Variants in LTBP1 observed in about 807,000 individuals in gnomAD.
LTBP1 encodes the protein latent transforming growth factor beta binding protein 1.
Under a neutral mutation model 207.6 loss-of-function variants are expected in LTBP1, and 129 were observed. The observed-to-expected ratio is 0.62, with a 90% CI of 0.54 to 0.72. LTBP1 has a LOEUF of 0.72. Among genes scored for constraint, LTBP1 ranks in the 30% least tolerant of loss-of-function variants. The pLI, the probability that LTBP1 is intolerant of heterozygous loss-of-function variation, is 0.00. For synonymous variants in LTBP1, 963 were observed against 833.7 expected (o/e 1.16, Z -2.67); for missense variants, 2,281 against 2,217.2 (o/e 1.03, Z -0.58).
intron 19 of LTBP1, among the ~76,000 whole-genome samples, chr2:33,282,543 A>T (rs1243016688): frequency 6.6e-6 from 1 of 152,162 alleles, no homozygotes. Flanking sequence ...CATTGAACCA[A>T]TGGGTGGGTT....
At chr2:33,270,260 G>T (rs1259280704) in intron 15 of LTBP1, among the ~76,000 whole-genome samples, 1 of 151,866 alleles carries the variant, frequency 6.6e-6, no homozygotes, top group Non-Finnish European at 1.5e-5. Context: ...ATAGAAAGCA[G>T]ACAGGGGTGT....
intron 3 of LTBP1, among the ~76,000 whole-genome samples, chr2:33,026,766 A>G (rs1352335682): frequency 6.6e-6 from 1 of 152,234 alleles, no homozygotes; most frequent in African/African-American, 2.4e-5. Context: ...CGTGTTATAC[A>G]TATTTATTTA....
intron 2 of LTBP1, among the ~76,000 whole-genome samples, chr2:32,955,587 T>G (rs571880180): frequency 3.3e-4 from 50 of 151,880 alleles, no homozygotes; most frequent in African/African-American, 1.0e-3. Context: ...AGAGTGCCTT[T>G]TAAAAAAGAT....
chr2:32,971,002 TTGTG>T (rs56246215), intron 2 of LTBP1, among the ~76,000 whole-genome samples: 33,290 of 142,378 alleles, frequency 0.23, 4,849 homozygotes, highest in East Asian at 0.79. Flanking sequence ...TCCTAGGTAT[TTGTG>T]TGTGTGTGTG....
chr2:32,987,877 A>G (rs559784421), intron 2 of LTBP1, among the ~76,000 whole-genome samples: 1 of 152,304 alleles, frequency 6.6e-6, no homozygotes, highest in African/African-American at 2.4e-5. Flanking sequence ...ACCTTATGGC[A>G]CAAATACTTT....
At chr2:33,391,858 T>C (rs1460795288) in intron 32 of LTBP1, among the ~76,000 whole-genome samples, 1 of 152,188 alleles carries the variant, frequency 6.6e-6, no homozygotes, top group East Asian at 1.9e-4. Context: ...CACATCAATC[T>C]CTTATTTAGC....
intron 3 of LTBP1, among the ~76,000 whole-genome samples, chr2:33,053,559 G>A (rs549688226): frequency 1.3e-4 from 20 of 152,096 alleles, no homozygotes; most frequent in East Asian, 3.9e-4. Flanking sequence ...AGTATTTGCC[G>A]TCTGGGTTTC....
At chr2:33,353,744 C>G (rs17645101) in intron 26 of LTBP1, among the ~76,000 whole-genome samples, 7,433 of 152,270 alleles carry the variant, frequency 0.049, 189 homozygotes, top group Middle Eastern at 0.092. Flanking sequence ...AAGAACATCT[C>G]CCCACTGTCA....
chr2:33,135,752 A>T (rs1393435206), intron 5 of LTBP1, among the ~76,000 whole-genome samples: 2 of 152,252 alleles, frequency 1.3e-5, no homozygotes, highest in African/African-American at 4.8e-5. Flanking sequence ...TCATGTTGCC[A>T]TGTTGTCATG....
At position 33,082,432 on chromosome 2, in the gene LTBP1, C is replaced by CT. The variant is rs56058653; in HGVS notation, c.864-28116dup. On this transcript the variant is annotated intron_variant, in intron 3 of 33. Coordinates refer to ENST00000404816, the MANE Select transcript of LTBP1 (RefSeq NM_206943.4). ...TTAACCGTGGCTAAAGTATGACTCA[C>CT]TTTTTTTTTTTTTTTTTTTTTTTTT... Among the ~76,000 whole-genome samples, 162 of 29,342 alleles carry CT rather than the reference C, an allele frequency of 5.5e-3. 23 individuals carry two copies. Among genetic ancestry groups the CT allele is most frequent in the African/African-American group, 0.016 (151 of 9,158 alleles). 19.2% of individuals were successfully genotyped at this position (29,342 alleles called of 152,430 possible).
intron 20 of LTBP1, among the ~76,000 whole-genome samples, chr2:33,295,320 A>C (rs2093853623): frequency 6.6e-6 from 1 of 152,142 alleles, no homozygotes; most frequent in African/African-American, 2.4e-5. Context: ...TGAAGTCAGG[A>C]GTTCGAGACC....
intron 3 of LTBP1, among the ~76,000 whole-genome samples, chr2:33,053,942 C>T (rs1247290502): frequency 3.3e-5 from 5 of 152,198 alleles, no homozygotes; most frequent in African/African-American, 1.2e-4. Flanking sequence ...GGGCCAGTGC[C>T]TGACCAAATA....
At chr2:33,185,693 A>G (rs901034842) in intron 5 of LTBP1, among the ~76,000 whole-genome samples, 1 of 152,224 alleles carries the variant, frequency 6.6e-6, no homozygotes, top group Non-Finnish European at 1.5e-5. Context: ...AAATCCATCC[A>G]TTGGGTTTAG....
chr2:33,098,369 C>T (rs2079512283), intron 3 of LTBP1, among the ~76,000 whole-genome samples: 1 of 152,276 alleles, frequency 6.6e-6, no homozygotes, highest in South Asian at 2.1e-4. Flanking sequence ...CCTAATTTTT[C>T]ATGTGCATTG....
At chr2:33,129,590 C>T (rs1572765965) in intron 4 of LTBP1, among the ~76,000 whole-genome samples, 1 of 152,232 alleles carries the variant, frequency 6.6e-6, no homozygotes, top group East Asian at 1.9e-4. Context: ...TGAGAAATTG[C>T]TATTTCCTAT....
intron 7 of LTBP1, among the ~76,000 whole-genome samples, chr2:33,196,631 G>T (rs1278768336): frequency 6.6e-6 from 1 of 152,156 alleles, no homozygotes; most frequent in Admixed American, 6.5e-5. Context: ...GAAATGAACG[G>T]TTCTGAATTT....
At chr2:33,158,008 T>C (rs112040035) in intron 5 of LTBP1, among the ~76,000 whole-genome samples, 2,528 of 152,152 alleles carry the variant, frequency 0.017, 24 homozygotes, top group East Asian at 0.027. Context: ...TGGTGGCATG[T>C]GCCTATAATC....
chr2:33,003,470 A>G (rs1397302730), intron 2 of LTBP1, among the ~76,000 whole-genome samples: 1 of 152,242 alleles, frequency 6.6e-6, no homozygotes, highest in Non-Finnish European at 1.5e-5. Context: ...AAACCTATGC[A>G]TTCCAACTCT....
At chr2:33,240,928 G>A (rs1035884397) in intron 9 of LTBP1, among the ~76,000 whole-genome samples, 3 of 152,124 alleles carry the variant, frequency 2.0e-5, no homozygotes, top group African/African-American at 4.8e-5. Context: ...GGGATTACAG[G>A]CGTGAGCCAC....
Sources: allele counts gnomAD v4.1 joint callset (sites outside exome capture counted in the v4.1 genomes callset), GRCh38; gene constraint gnomAD v4.1.1; transcripts MANE v1.5; gene names NCBI Gene and HGNC (gene_info 2026-07-23, HGNC 2026-07-21).